ADGRB3: variants seen among roughly 807,000 people sequenced by gnomAD.
The protein encoded by ADGRB3 is adhesion G protein-coupled receptor B3, also known as brain-specific angiogenesis inhibitor 3.
ADGRB3 carries 37 observed loss-of-function variants against 193.4 expected under a neutral mutation model. That is an observed-to-expected ratio of 0.19 (90% CI 0.15 to 0.25). The LOEUF (loss-of-function observed/expected upper bound fraction) is 0.25. Among genes scored for constraint, ADGRB3 ranks in the 10% least tolerant of loss-of-function variants. ADGRB3 has a pLI of 1.00. For missense variants in ADGRB3, 1,637 were observed against 1,852.9 expected, an observed-to-expected ratio of 0.88 and a Z score of 2.14; for synonymous variants, 690 against 644.2, an observed-to-expected ratio of 1.07 and a Z score of -1.08.
intron 17 of ADGRB3, among the ~76,000 whole-genome samples, chr6:69,126,501 T>G (rs1435104740): frequency 4.6e-5 from 7 of 152,056 alleles, no homozygotes; most frequent in Admixed American, 1.3e-4. Flanking sequence ...AGTTAAAAAG[T>G]AGGAGGAACT....
intron 17 of ADGRB3, among the ~76,000 whole-genome samples, chr6:69,144,007 C>A (rs1042717346): frequency 2.0e-5 from 3 of 152,142 alleles, no homozygotes; most frequent in African/African-American, 7.2e-5. Context: ...TTCTTCCAAT[C>A]CATGAACACA....
intron 3 of ADGRB3, among the ~76,000 whole-genome samples, chr6:68,885,522 A>G (rs1329122308): frequency 6.6e-6 from 1 of 152,158 alleles, no homozygotes; most frequent in Non-Finnish European, 1.5e-5. Context: ...TAGTTTTGAA[A>G]TAGACAGTAT....
chr6:68,680,958 A>T (rs182160831), intron 3 of ADGRB3, among the ~76,000 whole-genome samples: 4 of 152,294 alleles, frequency 2.6e-5, no homozygotes, highest in Admixed American at 2.6e-4. Context: ...TGAGTAATTT[A>T]TAAAGAAAAT....
intron 17 of ADGRB3, among the ~76,000 whole-genome samples, chr6:69,156,706 G>A (rs1054064905): frequency 6.6e-6 from 1 of 152,118 alleles, no homozygotes; most frequent in Admixed American, 6.5e-5. Context: ...AAAGAGACAA[G>A]AATGAAAACA....
intron 3 of ADGRB3, among the ~76,000 whole-genome samples, chr6:68,729,264 C>G (rs771764500): frequency 6.6e-6 from 1 of 151,516 alleles, no homozygotes; most frequent in Non-Finnish European, 1.5e-5. Flanking sequence ...AATGCTAAAT[C>G]TAGAAGTCGA....
intron 3 of ADGRB3, among the ~76,000 whole-genome samples, chr6:68,903,818 G>A (rs1459601767): frequency 6.6e-6 from 1 of 151,458 alleles, no homozygotes; most frequent in Admixed American, 6.6e-5. Flanking sequence ...ACCAACCTGG[G>A]CAACATAGTG....
intron 3 of ADGRB3, among the ~76,000 whole-genome samples, chr6:68,864,547 G>A (rs146877512): frequency 0.01 from 1,595 of 152,228 alleles, 26 homozygotes; most frequent in African/African-American, 0.036. Context: ...CACACCCTAG[G>A]GATGATGGAG....
intron 13 of ADGRB3, among the ~76,000 whole-genome samples, chr6:69,031,779 C>T (rs1271972040): frequency 6.6e-6 from 1 of 151,606 alleles, no homozygotes; most frequent in Non-Finnish European, 1.5e-5. Context: ...GGACTACAGT[C>T]ATGCGCCACC....
intron 6 of ADGRB3, among the ~76,000 whole-genome samples, chr6:68,954,883 G>A (rs542491348): frequency 7.9e-5 from 12 of 151,922 alleles, no homozygotes; most frequent in Non-Finnish European, 1.5e-4. Context: ...GGGTTTCACC[G>A]TGTTAGCCAG....
intron 3 of ADGRB3, among the ~76,000 whole-genome samples, chr6:68,819,723 A>AT (rs1362218290): frequency 6.6e-6 from 1 of 152,100 alleles, no homozygotes; most frequent in East Asian, 1.9e-4. Context: ...GTTAAAATTG[A>AT]TAAAAATAGA....
At chr6:69,197,842 T>C (rs1362087666) in intron 17 of ADGRB3, among the ~76,000 whole-genome samples, 2 of 152,052 alleles carry the variant, frequency 1.3e-5, no homozygotes, top group East Asian at 3.9e-4. Context: ...TTTTGCAAAA[T>C]ATTTAATTTT....
chr6:69,027,259 T>C (rs1051455384), intron 13 of ADGRB3, among the ~76,000 whole-genome samples: 1 of 152,014 alleles, frequency 6.6e-6, no homozygotes, highest in African/African-American at 2.4e-5. Context: ...AATTCACACA[T>C]TAGCCTAGGC....
chr6:68,751,864 A>G (rs976987952), intron 3 of ADGRB3, among the ~76,000 whole-genome samples: 1 of 152,164 alleles, frequency 6.6e-6, no homozygotes, highest in African/African-American at 2.4e-5. Flanking sequence ...TTTGGGTGTG[A>G]TACAACTATA....
At chr6:69,361,633 T>G in intron 29 of ADGRB3, 121 bp downstream of exon 29, 6 of 1,217,558 alleles carry the variant, frequency 4.9e-6, no homozygotes, top group Non-Finnish European at 6.7e-6. Flanking sequence ...AAGATTCACA[T>G]TAGCTTTTGC....
intron 16 of ADGRB3, among the ~76,000 whole-genome samples, chr6:69,067,131 T>C (rs1356456444): frequency 1.3e-5 from 2 of 152,124 alleles, no homozygotes; most frequent in Non-Finnish European, 2.9e-5. Flanking sequence ...GAGTGGACCA[T>C]ACCAGCCTGC....
At chr6:69,153,526 T>A (rs1232466358) in intron 17 of ADGRB3, among the ~76,000 whole-genome samples, 6 of 152,074 alleles carry the variant, frequency 3.9e-5, no homozygotes, top group Admixed American at 3.3e-4. Context: ...CAGAAATGGG[T>A]AGTTCTTTTT....
intron 3 of ADGRB3, among the ~76,000 whole-genome samples, chr6:68,763,028 C>T (rs1405871751): frequency 6.6e-6 from 1 of 152,132 alleles, no homozygotes; most frequent in African/African-American, 2.4e-5. Flanking sequence ...TTAATTAATA[C>T]TATAACAACT....
intron 3 of ADGRB3, among the ~76,000 whole-genome samples, chr6:68,843,973 A>G (rs1415840788): frequency 6.6e-6 from 1 of 152,168 alleles, no homozygotes; most frequent in Non-Finnish European, 1.5e-5. Context: ...ATCCATAGGC[A>G]GAAGAATAAA....
chr6:68,662,944 A>C (rs1768703103), intron 3 of ADGRB3, among the ~76,000 whole-genome samples: 1 of 150,736 alleles, frequency 6.6e-6, no homozygotes, highest in Non-Finnish European at 1.5e-5. Context: ...ATATAGTATA[A>C]GTTTTTTTCT....
Sources: gnomAD v4.1 joint callset for allele counts (sites outside exome capture counted in the v4.1 genomes callset) on GRCh38, gnomAD v4.1.1 for gene constraint, MANE v1.5 for transcripts, NCBI Gene and HGNC (gene_info 2026-07-23, HGNC 2026-07-21) for gene names.